The following TFAP2D variants were observed in gnomAD, a reference collection of about 807,000 sequenced individuals.
The protein encoded by TFAP2D is transcription factor AP-2 delta, also known as transcription factor AP-2-delta.
TFAP2D carries 9 observed loss-of-function variants against 43.6 expected under a neutral mutation model. The ratio of observed to expected loss-of-function variants is 0.21; its 90% CI spans 0.12 to 0.36. TFAP2D has a LOEUF of 0.36. TFAP2D is among the 10% of genes least tolerant of loss of function. TFAP2D has a pLI of 1.00. For missense variants in TFAP2D, 513 were observed against 561.4 expected (o/e 0.91, Z 0.87); for synonymous variants, 256 against 224.9 (o/e 1.14, Z -1.24).
intron 5 of TFAP2D, among the ~76,000 whole-genome samples, chr6:50,731,693 C>T (rs1255985456): frequency 6.6e-6 from 1 of 151,970 alleles, no homozygotes; most frequent in Non-Finnish European, 1.5e-5. Flanking sequence ...TTGAAATAGG[C>T]TTCATTATAA....
At chr6:50,746,618 A>G (rs760149444) in intron 6 of TFAP2D, among the ~76,000 whole-genome samples, 6 of 152,172 alleles carry the variant, frequency 3.9e-5, no homozygotes, top group Admixed American at 6.5e-5. Flanking sequence ...ACAAGTAATT[A>G]TTTAATGCCT....
intron 3 of TFAP2D, among the ~76,000 whole-genome samples, chr6:50,727,730 A>G (rs553768705): frequency 7.9e-5 from 12 of 152,288 alleles, no homozygotes; most frequent in South Asian, 6.2e-4. Context: ...GAAGAAACAA[A>G]ATACATGATC....
chr6:50,760,744 C>G (rs1581777611), intron 7 of TFAP2D, among the ~76,000 whole-genome samples: 1 of 152,018 alleles, frequency 6.6e-6, no homozygotes, highest in East Asian at 1.9e-4. Context: ...AGGATAAGAC[C>G]CAGTTACATG....
At chr6:50,770,634 T>C (rs1205454972) in intron 7 of TFAP2D, among the ~76,000 whole-genome samples, 1 of 152,144 alleles carries the variant, frequency 6.6e-6, no homozygotes, top group Non-Finnish European at 1.5e-5. Flanking sequence ...ACATGGTAGA[T>C]CTTACTATTA....
chr6:50,717,668 T>C, intron 2 of TFAP2D, among the ~76,000 whole-genome samples: 1 of 152,248 alleles, frequency 6.6e-6, no homozygotes, highest in East Asian at 1.9e-4. Context: ...TATATCCATG[T>C]ATGTATATAT....
chr6:50,714,641 T>C (rs1375736917), intron 1 of TFAP2D, among the ~76,000 whole-genome samples: 1 of 152,156 alleles, frequency 6.6e-6, no homozygotes, highest in African/African-American at 2.4e-5. Context: ...CATCTCGGCA[T>C]AGACAGGCGC....
chr6:50,753,578 T>C (rs1281177661), intron 7 of TFAP2D, among the ~76,000 whole-genome samples: 1 of 151,502 alleles, frequency 6.6e-6, no homozygotes, highest in South Asian at 2.1e-4. Context: ...GCTAAATATA[T>C]GGTAAATGGC....
intron 7 of TFAP2D, among the ~76,000 whole-genome samples, chr6:50,765,486 G>C (rs983760591): frequency 2.0e-5 from 3 of 151,976 alleles, no homozygotes; most frequent in African/African-American, 7.2e-5. Context: ...TCCACCAACA[G>C]TGTGCAGGGT....
intron 7 of TFAP2D, among the ~76,000 whole-genome samples, chr6:50,754,321 G>A (rs1285363041): frequency 6.6e-6 from 1 of 151,520 alleles, no homozygotes; most frequent in African/African-American, 2.4e-5. Flanking sequence ...TTTTAAGGAT[G>A]CACAATATTT....
At chr6:50,762,339 G>A (rs1345771573) in intron 7 of TFAP2D, among the ~76,000 whole-genome samples, 1 of 151,634 alleles carries the variant, frequency 6.6e-6, no homozygotes, top group Non-Finnish European at 1.5e-5. Context: ...GTCCACAGGT[G>A]CACACACACT....
At chr6:50,735,245 T>G (rs72893654) in intron 5 of TFAP2D, among the ~76,000 whole-genome samples, 5,287 of 152,200 alleles carry the variant, frequency 0.035, 144 homozygotes, top group Non-Finnish European at 0.059. Context: ...ATCTTCTGGT[T>G]TGCAGCATCA....
chr6:50,732,608 G>A (rs922427104), intron 5 of TFAP2D, among the ~76,000 whole-genome samples: 1 of 152,048 alleles, frequency 6.6e-6, no homozygotes, highest in Non-Finnish European at 1.5e-5. Flanking sequence ...TTTGAATACA[G>A]CCTTGCCATT....
At chr6:50,714,176 T>C in intron 1 of TFAP2D, 82 bp downstream of exon 1, 37 of 1,377,494 alleles carry the variant, frequency 2.7e-5, no homozygotes, top group South Asian at 3.7e-5. Context: ...GCGGCGGCGG[T>C]GGCAGCCTCC....
intron 3 of TFAP2D, among the ~76,000 whole-genome samples, chr6:50,722,002 A>G (rs537676162): frequency 6.6e-5 from 10 of 152,300 alleles, no homozygotes; most frequent in African/African-American, 2.4e-4. Context: ...TGTTCTTCAC[A>G]TTTGGTGACT....
intron 7 of TFAP2D, among the ~76,000 whole-genome samples, chr6:50,759,398 G>C (rs921644272): frequency 6.6e-6 from 1 of 151,896 alleles, no homozygotes; most frequent in Non-Finnish European, 1.5e-5. Context: ...GATCTCTAAG[G>C]TTCTTTTTAG....
chr6:50,772,885 T>A lies in TFAP2D; in HGVS notation c.*21T>A. On this transcript the variant is annotated 3_prime_UTR_variant, in exon 8 of 8. Coordinates refer to ENST00000008391, the MANE Select transcript of TFAP2D (RefSeq NM_172238.4). ...ACTAGCTACATCAAACAGAATCTAT[T>A]TCCAGAGAGTCTTGCTGCTGATATT... The A allele has an allele frequency of 3.1e-6, 5 of 1,592,042 alleles. No homozygotes were observed. Among genetic ancestry groups the A allele is most frequent in the Non-Finnish European group, 4.3e-6 (5 of 1,167,526 alleles).
chr6:50,726,090 A>G (rs1379585115), intron 3 of TFAP2D, among the ~76,000 whole-genome samples: 1 of 152,350 alleles, frequency 6.6e-6, no homozygotes, highest in Middle Eastern at 3.4e-3. Flanking sequence ...AGCATAAGCC[A>G]GAAGCCCAAC....
chr6:50,740,373 A>T (rs1226130032), intron 5 of TFAP2D, among the ~76,000 whole-genome samples: 1 of 152,152 alleles, frequency 6.6e-6, no homozygotes, highest in Non-Finnish European at 1.5e-5. Context: ...TTAATTTTTT[A>T]GTTGTGTAAA....
At chr6:50,719,654 C>T (rs1768688166) in intron 3 of TFAP2D, among the ~76,000 whole-genome samples, 1 of 152,300 alleles carries the variant, frequency 6.6e-6, no homozygotes, top group East Asian at 1.9e-4. Context: ...AAGGCTAGAT[C>T]ATTGAGGCTT....
Sources: allele counts gnomAD v4.1 joint callset (sites outside exome capture counted in the v4.1 genomes callset), GRCh38; gene constraint gnomAD v4.1.1; transcripts MANE v1.5; gene names NCBI Gene and HGNC (gene_info 2026-07-23, HGNC 2026-07-21).